DACH2: variants seen among roughly 807,000 people sequenced by gnomAD.
DACH2 encodes dachshund homolog 2.
A neutral mutation model predicts 35.8 loss-of-function variants in DACH2; 17 were observed. The observed-to-expected ratio is 0.48, with a 90% CI of 0.33 to 0.71. The LOEUF is 0.71. Ranked by LOEUF, DACH2 falls within the 30% of genes least tolerant of loss-of-function variation. The pLI, the probability that DACH2 is intolerant of heterozygous loss-of-function variation, is 0.02. For synonymous variants in DACH2, 195 were observed against 177.3 expected (o/e 1.10, Z -0.79); for missense variants, 469 against 472.7 (o/e 0.99, Z 0.07).
intron 1 of DACH2, chrX:86,161,032 C>T (rs773470773): frequency 2.4e-4 from 233 of 984,693 alleles, no homozygotes; most frequent in Non-Finnish European, 3.0e-4. Context: ...AACGAAGGCA[C>T]GTTAGCAGTT....
At chrX:86,737,123 A>T (rs981293437) in intron 6 of DACH2, among the ~76,000 whole-genome samples, 5 of 111,860 alleles carry the variant, frequency 4.5e-5, no homozygotes, top group African/African-American at 1.6e-4. Flanking sequence ...GTCTATTTTT[A>T]AAAAGTGAAA....
At chrX:86,322,012 C>A (rs1289897053) in intron 1 of DACH2, among the ~76,000 whole-genome samples, 3 of 109,839 alleles carry the variant, frequency 2.7e-5, no homozygotes, top group Non-Finnish European at 3.8e-5. Context: ...GGAAGGGGCA[C>A]CAGATGAGGG....
intron 1 of DACH2, among the ~76,000 whole-genome samples, chrX:86,213,751 C>A (rs2032503354): frequency 9.0e-6 from 1 of 110,580 alleles, no homozygotes; most frequent in South Asian, 3.7e-4. Flanking sequence ...CAGAAATGAT[C>A]CACAAACTTC....
intron 7 of DACH2, among the ~76,000 whole-genome samples, chrX:86,742,373 T>C (rs2041665805): frequency 9.0e-6 from 1 of 111,115 alleles, no homozygotes; most frequent in Non-Finnish European, 1.9e-5. Flanking sequence ...TATCTATTAA[T>C]TTTGCTATGT....
Position 86,679,532 on chromosome X carries a change from A to G in DACH2, c.773-15489A>G, listed in dbSNP as rs1266038322. On this transcript the variant is annotated intron_variant, in intron 4 of 11. Transcript: ENST00000373125. ...AGTTACTATTATTTTATAAAACTCC[A>G]AAAAGTTAAACTGTAGCATACAGAC... Among the ~76,000 whole-genome samples, 3 of 110,817 alleles carry G rather than the reference A, an allele frequency of 2.7e-5. No homozygotes were observed. In the East Asian group the frequency reaches 8.5e-4, roughly 31 times the overall value.
At chrX:86,222,731 T>C (rs763694794) in intron 1 of DACH2, among the ~76,000 whole-genome samples, 1 of 110,569 alleles carries the variant, frequency 9.0e-6, no homozygotes, top group Non-Finnish European at 1.9e-5. Context: ...GAAAATGCAG[T>C]ACTAGGAAAT....
intron 1 of DACH2, among the ~76,000 whole-genome samples, chrX:86,252,472 T>G (rs957655166): frequency 1.8e-5 from 2 of 111,571 alleles, no homozygotes; most frequent in African/African-American, 6.5e-5. Context: ...TTTTATAGGC[T>G]TAGGTCTTAA....
At chrX:86,411,429 T>A (rs1410138513) in intron 2 of DACH2, among the ~76,000 whole-genome samples, 1 of 110,232 alleles carries the variant, frequency 9.1e-6, no homozygotes, top group Non-Finnish European at 1.9e-5. Flanking sequence ...GTATTAACCA[T>A]CACAGGTCCA....
At position 86,479,308 on chromosome X, in the gene DACH2, G is replaced by A. The variant is rs752220185; in HGVS notation, c.528-34971G>A. 1.2e-3 allele frequency among the ~76,000 whole-genome samples: 136 copies of A among 110,642 alleles called. 1 individual carries two copies. Among genetic ancestry groups the A allele is most frequent in the Admixed American group, 4.0e-3 (42 of 10,376 alleles). Reference sequence around the variant, plus strand: ...GTCTTGGAAAATGCAACATTTGGGCGTGAAAACAGGAGTGCCTGTCCTCAC... The same window carrying A: ...GTCTTGGAAAATGCAACATTTGGGCATGAAAACAGGAGTGCCTGTCCTCAC... On this transcript the variant is annotated intron_variant, in intron 2 of 11. Coordinates refer to ENST00000373125, the MANE Select transcript of DACH2 (RefSeq NM_053281.3).
chrX:86,257,813 T>C (rs5967696), intron 1 of DACH2, among the ~76,000 whole-genome samples: 43,306 of 111,099 alleles, frequency 0.39, 6,382 homozygotes, highest in East Asian at 0.72. Flanking sequence ...ATTGTCATTA[T>C]GGTTTTATTT....
At chrX:86,645,729 A>G (rs2040407620) in intron 3 of DACH2, among the ~76,000 whole-genome samples, 1 of 111,362 alleles carries the variant, frequency 9.0e-6, no homozygotes, top group Non-Finnish European at 1.9e-5. Context: ...CATAAAAAGG[A>G]ACAAGATCAT....
chrX:86,230,093 T>C (rs749171157), intron 1 of DACH2, among the ~76,000 whole-genome samples: 10 of 111,013 alleles, frequency 9.0e-5, no homozygotes, highest in Non-Finnish European at 1.9e-4. Flanking sequence ...ATGTTGGCTG[T>C]GGGTTTGTCT....
At chrX:86,519,489 C>A (rs1019928992) in intron 3 of DACH2, among the ~76,000 whole-genome samples, 2 of 111,370 alleles carry the variant, frequency 1.8e-5, no homozygotes, top group African/African-American at 6.5e-5. Flanking sequence ...CTTCTTTATA[C>A]ATCTCGTAAA....
intron 11 of DACH2, chrX:86,827,875 T>G: frequency 1.1e-6 from 1 of 923,931 alleles, no homozygotes; most frequent in Non-Finnish European, 1.5e-6. Flanking sequence ...ACTCAAATCC[T>G]TAAAATATGG....
chrX:86,449,628 GA>G (rs201433237), intron 2 of DACH2, among the ~76,000 whole-genome samples: 10,373 of 110,196 alleles, frequency 0.094, 1,221 homozygotes, highest in African/African-American at 0.32. Flanking sequence ...AGTTTATTTT[GA>G]TTTCTTGCTT....
chrX:86,725,018 T>C (rs1159094060), intron 6 of DACH2, among the ~76,000 whole-genome samples: 1 of 99,518 alleles, frequency 1.0e-5, no homozygotes, highest in African/African-American at 3.6e-5. Flanking sequence ...TTTTCGGTTC[T>C]GGAATTTCTA....
Position 86,707,351 on chromosome X carries a change from A to G in DACH2, c.932-7197A>G, listed in dbSNP as rs780764733. On this transcript the variant is annotated intron_variant, in intron 5 of 11. Coordinates refer to ENST00000373125, the MANE Select transcript of DACH2 (RefSeq NM_053281.3). ...TAAAATCTATAATTAAAACCCTTCC[A>G]CAACAGAAAGCACCATGTTCAAATG... is the stretch of plus-strand genomic sequence containing the variant. Among the ~76,000 whole-genome samples, 3 of 111,852 alleles carry G rather than the reference A, an allele frequency of 2.7e-5. No individual in the cohort carries two copies. The East Asian group carries it at 8.5e-4, about 32-fold the overall frequency.
chrX:86,497,159 T>C (rs189969224), intron 2 of DACH2, among the ~76,000 whole-genome samples: 1 of 111,782 alleles, frequency 8.9e-6, no homozygotes, highest in African/African-American at 3.3e-5. Flanking sequence ...TGTAGGTGAT[T>C]CTACTACTAG....
chrX:86,787,202 A>T (rs2042145530), intron 7 of DACH2, among the ~76,000 whole-genome samples: 1 of 112,543 alleles, frequency 8.9e-6, no homozygotes, highest in Non-Finnish European at 1.9e-5. Context: ...TTAAAAAAAT[A>T]GCACCAAATT....
Sources: gnomAD v4.1 joint callset for allele counts (sites outside exome capture counted in the v4.1 genomes callset) on GRCh38, gnomAD v4.1.1 for gene constraint, MANE v1.5 for transcripts, NCBI Gene and HGNC (gene_info 2026-07-23, HGNC 2026-07-21) for gene names.